Variants in ZC3H18 observed in about 807,000 individuals in gnomAD.
ZC3H18 encodes the protein zinc finger CCCH-type containing 18, also known as zinc finger CCCH domain-containing protein 18.
Under a neutral mutation model 106.1 loss-of-function variants are expected in ZC3H18, and 8 were observed. The ratio of observed to expected loss-of-function variants is 0.08; its 90% CI spans 0.04 to 0.14. The LOEUF (loss-of-function observed/expected upper bound fraction) is 0.14, where lower values mean the gene tolerates loss of function less well. ZC3H18 is among the 10% of genes least tolerant of loss of function. The pLI is 1.00. For missense variants in ZC3H18, 1,318 were observed against 1,278.4 expected, an observed-to-expected ratio of 1.03 and a Z score of -0.47; for synonymous variants, 635 against 522.1, an observed-to-expected ratio of 1.22 and a Z score of -2.95.
chr16:88,606,462 T>C (rs188425756), intron 6 of ZC3H18, among the ~76,000 whole-genome samples: 1 of 152,356 alleles, frequency 6.6e-6, no homozygotes, highest in East Asian at 1.9e-4. Context: ...TTTGCTTAAG[T>C]ACAGTTTCCC....
intron 3 of ZC3H18, among the ~76,000 whole-genome samples, chr16:88,592,408 G>A (rs1915806430): frequency 6.6e-6 from 1 of 152,166 alleles, no homozygotes; most frequent in South Asian, 2.1e-4. Context: ...ACCCCTGGGA[G>A]TCCTTGAGAC....
intron 1 of ZC3H18, among the ~76,000 whole-genome samples, chr16:88,572,898 C>G (rs1914500956): frequency 6.6e-6 from 1 of 152,002 alleles, no homozygotes; most frequent in Non-Finnish European, 1.5e-5. Flanking sequence ...GCTGGGACTA[C>G]AGGCACGTGC....
chr16:88,574,309 A>G (rs928664454), intron 1 of ZC3H18, among the ~76,000 whole-genome samples: 8 of 152,008 alleles, frequency 5.3e-5, no homozygotes, highest in African/African-American at 1.9e-4. Flanking sequence ...TCCCAGGTTC[A>G]AGCGATTCTC....
intron 3 of ZC3H18, among the ~76,000 whole-genome samples, chr16:88,596,769 A>G (rs1298508444): frequency 6.6e-6 from 1 of 152,246 alleles, no homozygotes; most frequent in Non-Finnish European, 1.5e-5. Flanking sequence ...CGTGATTTTG[A>G]ATACTGCATG....
At chr16:88,577,769 C>CA (rs1215931453) in intron 2 of ZC3H18, 43 bp downstream of exon 2, 1 of 1,611,508 alleles carries the variant, frequency 6.2e-7, no homozygotes, top group Admixed American at 1.7e-5. Context: ...TCCTGCCCAG[C>CA]AGCCTGACAT....
At chr16:88,587,689 G>A in intron 3 of ZC3H18, 1 of 1,377,770 alleles carries the variant, frequency 7.3e-7, no homozygotes, top group South Asian at 1.2e-5. Context: ...TCCTTCTCCT[G>A]GATCCAGAAC....
At chr16:88,623,088 C>T (rs1171939021) in intron 9 of ZC3H18, 131 bp from the exon 10 acceptor site, 37 of 1,329,398 alleles carry the variant, frequency 2.8e-5, no homozygotes, top group Non-Finnish European at 3.6e-5. Context: ...CAGCTGTGCG[C>T]GCGTGCGCAG....
intron 8 of ZC3H18, among the ~76,000 whole-genome samples, chr16:88,611,784 C>T (rs181319940): frequency 6.6e-6 from 1 of 152,254 alleles, no homozygotes; most frequent in African/African-American, 2.4e-5. Flanking sequence ...TCTAGAGGAT[C>T]TCACTGATGT....
chr16:88,619,215 A>G (rs913613506), intron 8 of ZC3H18, among the ~76,000 whole-genome samples: 2 of 152,116 alleles, frequency 1.3e-5, no homozygotes, highest in African/African-American at 4.8e-5. Context: ...CAGAGCTTGC[A>G]GTGAGCCAAG....
At chr16:88,630,760 C>CCCA (rs1555539133) in intron 17 of ZC3H18, among the ~76,000 whole-genome samples, 179 bp downstream of exon 17, 1 of 108,388 alleles carries the variant, frequency 9.2e-6, no homozygotes, top group African/African-American at 3.1e-5. Context: ...CCCCCCACCC[C>CCCA]CCCCCACACA....
chr16:88,627,730 G>A lies in ZC3H18; in HGVS notation c.2217G>A (p.Val739=), dbSNP rs768139492. 2 of 1,613,296 alleles carry A rather than the reference G, an allele frequency of 1.2e-6. No individual in the cohort carries two copies. Among genetic ancestry groups the A allele is most frequent in the Non-Finnish European group, 8.5e-7 (1 of 1,179,582 alleles). Residue 739 remains valine, a synonymous_variant, in exon 14 of 18, where the codon GTG becomes GTA. Transcript: ENST00000301011. This position sits in a 1 kb window ranked among gnomAD's most constrained non-coding sequence, Gnocchi z 4.5. The part of the protein sequence containing the change: ...EDMYADLASP[V]SSASSRSPAP... Reference sequence around the variant, plus strand: ...TGTACGCAGACCTGGCTAGCCCCGTGTCCTCAGCCAGCTCTCGGTCCCCGG... The same window carrying A: ...TGTACGCAGACCTGGCTAGCCCCGTATCCTCAGCCAGCTCTCGGTCCCCGG...
At chr16:88,599,439 C>T (rs1383500269) in intron 5 of ZC3H18, among the ~76,000 whole-genome samples, 3 of 152,236 alleles carry the variant, frequency 2.0e-5, no homozygotes, top group Non-Finnish European at 2.9e-5. Context: ...TTCCTTCTCA[C>T]TCCCTCGGCA....
chr16:88,595,355 C>T (rs1004620885), intron 3 of ZC3H18, among the ~76,000 whole-genome samples: 4 of 152,128 alleles, frequency 2.6e-5, no homozygotes, highest in East Asian at 3.8e-4. Flanking sequence ...ACACAGTATC[C>T]GCAGAACTAT....
At chr16:88,618,943 C>G (rs940546145) in intron 8 of ZC3H18, among the ~76,000 whole-genome samples, 1 of 152,312 alleles carries the variant, frequency 6.6e-6, no homozygotes, top group African/African-American at 2.4e-5. Context: ...GAGCCGCACT[C>G]GGTGGGCTGT....
chr16:88,599,703 G>C, intron 5 of ZC3H18, 88 bp from the exon 6 acceptor site: 8 of 1,468,514 alleles, frequency 5.4e-6, no homozygotes, highest in Non-Finnish European at 7.3e-6. Flanking sequence ...GGGCTGCTGC[G>C]GTCGGGTGGG....
chr16:88,588,623 T>G (rs1915571709), intron 3 of ZC3H18, among the ~76,000 whole-genome samples: 1 of 152,208 alleles, frequency 6.6e-6, no homozygotes, highest in African/African-American at 2.4e-5. Flanking sequence ...GTACTGAGTT[T>G]GGGTTTCAGC....
chr16:88,617,320 C>T (rs536348810), intron 8 of ZC3H18, among the ~76,000 whole-genome samples: 5 of 152,244 alleles, frequency 3.3e-5, no homozygotes, highest in Middle Eastern at 3.4e-3. Flanking sequence ...GGAGTTGTGC[C>T]GCTCTCTCCG....
intron 11 of ZC3H18, 98 bp downstream of exon 11, chr16:88,624,160 A>G (rs1906146753): frequency 6.6e-7 from 1 of 1,517,536 alleles, no homozygotes; most frequent in South Asian, 1.2e-5. Flanking sequence ...TTTGGGACCA[A>G]AGAGGTGAGG....
chr16:88,575,039 C>T (rs1914659030), intron 1 of ZC3H18, among the ~76,000 whole-genome samples: 1 of 150,614 alleles, frequency 6.6e-6, no homozygotes, highest in South Asian at 2.1e-4. Flanking sequence ...CCGTGTTAGC[C>T]AGGATGGTCT....
Sources: allele counts gnomAD v4.1 joint callset (sites outside exome capture counted in the v4.1 genomes callset), GRCh38; gene constraint gnomAD v4.1.1; non-coding constraint Gnocchi (gnomAD v3.1); transcripts MANE v1.5; gene names NCBI Gene and HGNC (gene_info 2026-07-23, HGNC 2026-07-21).